The following KIAA1210 variants were observed in gnomAD, a reference collection of about 807,000 sequenced individuals.
The protein encoded by KIAA1210 is acrosomal protein KIAA1210.
KIAA1210 carries 48 observed loss-of-function variants against 78.9 expected under a neutral mutation model. The ratio of observed to expected loss-of-function variants is 0.61; its 90% CI spans 0.48 to 0.77. The LOEUF (loss-of-function observed/expected upper bound fraction) is 0.77. KIAA1210 is among the 30% of genes least tolerant of loss of function. The pLI, the probability that KIAA1210 is intolerant of heterozygous loss-of-function variation, is 0.00. For missense variants in KIAA1210, 1,108 were observed against 1,100.0 expected, an observed-to-expected ratio of 1.01 and a Z score of -0.10; for synonymous variants, 406 against 404.5, an observed-to-expected ratio of 1.00 and a Z score of -0.04.
chrX:119,086,618 C>T lies in KIAA1210; in HGVS notation c.4084G>A (p.Val1362Ile), dbSNP rs772547091. Residue 1362 changes from valine (V) to isoleucine (I), a missense_variant, in exon 9 of 12, where the codon GTT becomes ATT. Around this residue, in one of 5 missense-constraint regions of KIAA1210, gnomAD observed 245 missense variants for 278.8 expected, o/e 0.88. Transcript: ENST00000691062. ...AAGNLTKISY[V>I]ADKQQSRPKS... ...GGCCTGCTCTGTTGCTTATCTGCAA[C>T]GTAAGATATTTTGGTGAGGTTCCCT... 4.8e-5 allele frequency: 58 copies of T among 1,209,229 alleles called. No individual in the cohort carries two copies. The highest frequency in any genetic ancestry group is 1.2e-4 in the East Asian group (4 of 33,754).
At chrX:119,115,938 C>T (rs1048016265) in intron 3 of KIAA1210, among the ~76,000 whole-genome samples, 1 of 112,031 alleles carries the variant, frequency 8.9e-6, no homozygotes, top group African/African-American at 3.2e-5. Flanking sequence ...GGGATCTGGG[C>T]TGTTTGCTTG....
At chrX:119,106,712 G>A (rs1927904180) in intron 5 of KIAA1210, among the ~76,000 whole-genome samples, 1 of 112,468 alleles carries the variant, frequency 8.9e-6, no homozygotes, top group Non-Finnish European at 1.9e-5. Context: ...AACTATTTGT[G>A]CTCAAATAAA....
upstream of KIAA1210, among the ~76,000 whole-genome samples, chrX:119,129,086 T>G (rs1352979174): frequency 8.9e-6 from 1 of 111,987 alleles, no homozygotes; most frequent in Non-Finnish European, 1.9e-5. Flanking sequence ...TTCCATAAGG[T>G]CAGGGGCCTT....
At chrX:119,123,946 G>T (rs999532857) in intron 1 of KIAA1210, among the ~76,000 whole-genome samples, 3 of 111,717 alleles carry the variant, frequency 2.7e-5, no homozygotes, top group Non-Finnish European at 3.8e-5. Flanking sequence ...TGGGGGGGGC[G>T]TTGGTAAAGT....
At chrX:119,096,951 T>C (rs111634525) in intron 6 of KIAA1210, among the ~76,000 whole-genome samples, 133 of 111,948 alleles carry the variant, frequency 1.2e-3, no homozygotes, top group African/African-American at 4.1e-3. Context: ...GGCACCCCAT[T>C]GTCCTTGGGA....
chrX:119,140,689 A>T (rs188378258), intron 2 of KIAA1210, among the ~76,000 whole-genome samples: 181 of 112,000 alleles, frequency 1.6e-3, no homozygotes, highest in African/African-American at 5.4e-3. Flanking sequence ...TGTATAAAAT[A>T]AGTCTCAGGA....
At chrX:119,105,310 C>T (rs1444270298) in intron 5 of KIAA1210, among the ~76,000 whole-genome samples, 163 bp from the exon 6 acceptor site, 14 of 111,817 alleles carry the variant, frequency 1.3e-4, no homozygotes, top group Non-Finnish European at 7.5e-5. Context: ...TTCCTACCTC[C>T]CCGTCTTCAT....
chrX:119,150,376 T>C (rs755333574), exon 1 of KIAA1210: 7 of 1,210,774 alleles, frequency 5.8e-6, no homozygotes, highest in Non-Finnish European at 7.8e-6. Context: ...TCACTGCAGC[T>C]GGGCCAAGCT....
rs768683249 is a variant in KIAA1210, at chrX:119,088,712, C to T, written c.1990G>A (p.Ala664Thr). The T allele has an allele frequency of 2.5e-6, 3 of 1,208,837 alleles. No individual in the cohort carries two copies. The African/African-American group carries it at 5.2e-5, about 21-fold the overall frequency. ...TCTGCATCTTCAGGCTCCTCTAAAG[C>T]CTGGGAGAGGCATCTGAGGTCCAGC... is the stretch of plus-strand genomic sequence containing the variant. ...EELDLRCLSQ[A>T]LEEPEDAEVF... Residue 664 changes from alanine to threonine, a missense_variant, in exon 9 of 12, where the codon GCT (alanine) becomes ACT (threonine). This residue lies in a region of KIAA1210 where 672 missense variants were observed against 607.1 expected (regional missense o/e 1.11). Coordinates refer to ENST00000691062, the MANE Select transcript of KIAA1210 (RefSeq NM_001394962.1).
chrX:119,094,372 A>G (rs1927490482), intron 7 of KIAA1210, among the ~76,000 whole-genome samples: 1 of 112,059 alleles, frequency 8.9e-6, no homozygotes, highest in Non-Finnish European at 1.9e-5. Flanking sequence ...GATAATTACA[A>G]TACAGCTCTG....
chrX:119,130,959 G>A (rs192727186), upstream of KIAA1210, among the ~76,000 whole-genome samples: 326 of 111,055 alleles, frequency 2.9e-3, 1 homozygote, highest in African/African-American at 0.01. Context: ...GGTTGAACAA[G>A]GGTTTTGGGG....
intron 2 of KIAA1210, among the ~76,000 whole-genome samples, chrX:119,133,188 A>T (rs962042245): frequency 2.7e-5 from 3 of 111,731 alleles, no homozygotes; most frequent in African/African-American, 9.8e-5. Flanking sequence ...TCCAGGGGAA[A>T]GGAGGCTATA....
rs1313569785 is a variant in KIAA1210, at chrX:119,109,559, C to G, written c.231-357G>C. The stretch of plus-strand genomic sequence containing the variant: ...AATTTTTACATTATGAGCATATATC[C>G]TTTTTACATAACAGTCTTACTGAGA... On this transcript the variant is annotated intron_variant, in intron 3 of 11. Transcript: ENST00000691062. Among the ~76,000 whole-genome samples the G allele has an allele frequency of 2.7e-5, 3 of 111,606 alleles. No individual in the cohort carries two copies. In the South Asian group the frequency reaches 1.1e-3, roughly 42 times the overall value.
chrX:119,136,965 C>T (rs1252641513), intron 2 of KIAA1210, among the ~76,000 whole-genome samples: 1 of 111,888 alleles, frequency 8.9e-6, no homozygotes, highest in Admixed American at 9.5e-5. Context: ...CAGAATCCTT[C>T]CCCTTGAACC....
At position 119,087,041 on chromosome X, in the gene KIAA1210, A is replaced by G; in HGVS notation, c.3661T>C (p.Phe1221Leu). ...GCAAAAGCTTCATCTCTTCCTAGGA[A>G]CCAATTGTCAGAATTGCTCTCAAAA... ...SVFESNSDNW[F>L]LGRDEAFAIK... The change falls in exon 9 of 12, where the codon TTC becomes CTC. Residue 1221 changes from phenylalanine (F) to leucine (L), a missense_variant. Transcript: ENST00000691062. 1 of 1,211,285 alleles carries G rather than the reference A, an allele frequency of 8.3e-7. No homozygotes were observed. Among genetic ancestry groups the G allele is most frequent in the Non-Finnish European group, 1.1e-6 (1 of 895,337 alleles).
At chrX:119,129,189 G>A (rs1413936365), upstream of KIAA1210, among the ~76,000 whole-genome samples, 1 of 111,373 alleles carries the variant, frequency 9.0e-6, no homozygotes, top group Non-Finnish European at 1.9e-5. Flanking sequence ...GATGTGGTGT[G>A]TCAGGGGAAT....
At chrX:119,095,579 G>T (rs937118829) in intron 7 of KIAA1210, among the ~76,000 whole-genome samples, 6 of 110,773 alleles carry the variant, frequency 5.4e-5, no homozygotes, top group African/African-American at 2.0e-4. Flanking sequence ...GTAGAGACGG[G>T]GTTTCTGCAT....
At position 119,118,383 on chromosome X, in the gene KIAA1210, A is replaced by G. The variant is rs4825398; in HGVS notation, c.62-1719T>C. Among the ~76,000 whole-genome samples, 350 of 112,085 alleles carry G rather than the reference A, an allele frequency of 3.1e-3. 2 individuals carry two copies. The highest frequency in any genetic ancestry group is 0.011 in the African/African-American group (329 of 30,871). The stretch of plus-strand genomic sequence containing the variant: ...ATAAGATTTGTTGTATGAGAAAGGG[A>G]TCCGTAGTCCAGTCAATCTGGAAAA... On this transcript the variant is annotated intron_variant, in intron 2 of 11. Coordinates refer to ENST00000691062, the MANE Select transcript of KIAA1210 (RefSeq NM_001394962.1).
In KIAA1210 at chrX:119,087,359, G is replaced by C. The variant is rs1424311702; in HGVS notation, c.3343C>G (p.Gln1115Glu). 1 of 1,209,491 alleles carries C rather than the reference G, an allele frequency of 8.3e-7. No individual in the cohort carries two copies. Among genetic ancestry groups the C allele is most frequent in the African/African-American group, 1.8e-5 (1 of 57,092 alleles). Residue 1115 changes from glutamine to glutamate, a missense_variant, in exon 9 of 12, where the codon CAG becomes GAG. Gln to Glu is a conservative substitution (Grantham distance 29, BLOSUM62 2). This residue lies in a region of KIAA1210 where 5 missense variants were observed against 18.2 expected (regional missense o/e 0.27). Transcript: ENST00000691062. ...TGGGAAAGCTGCCTGGGAGACAGCT[G>C]CTCTTTAAAACTGCTGCACTTCCCA... The part of the protein sequence containing the change: ...APGKCSSFKE[Q>E]LSPRQLSQAL...
Sources: gnomAD v4.1 joint callset for allele counts (sites outside exome capture counted in the v4.1 genomes callset) on GRCh38, gnomAD v4.1.1 for gene constraint, gnomAD v4.1.1 regional missense constraint, MANE v1.5 for transcripts, NCBI Gene and HGNC (gene_info 2026-07-23, HGNC 2026-07-21) for gene names.